STARD9: variants seen among roughly 807,000 people sequenced by gnomAD.
STARD9 encodes the protein stAR-related lipid transfer protein 9.
In STARD9, 346 loss-of-function variants were observed where a neutral mutation model predicts 399.8. The observed-to-expected ratio is 0.87, with a 90% CI of 0.79 to 0.95. The LOEUF (loss-of-function observed/expected upper bound fraction) is 0.95, where lower values mean the gene tolerates loss of function less well. STARD9 is among the 40% of genes least tolerant of loss of function. The probability of loss-of-function intolerance (pLI) is 0.00; values close to 1 mark genes in which losing one functional copy is unlikely to be tolerated. For synonymous variants in STARD9, 2,203 were observed against 2,143.5 expected, an observed-to-expected ratio of 1.03 and a Z score of -0.77; for missense variants, 5,832 against 5,667.5, an observed-to-expected ratio of 1.03 and a Z score of -0.93.
At chr15:42,581,893 G>GT (rs2058180082) in intron 1 of STARD9, among the ~76,000 whole-genome samples, 1 of 152,188 alleles carries the variant, frequency 6.6e-6, no homozygotes, top group South Asian at 2.1e-4. Flanking sequence ...GCTTATGCCT[G>GT]TAATCCCAGC....
intron 3 of STARD9, among the ~76,000 whole-genome samples, chr15:42,619,619 A>G (rs947406995): frequency 3.9e-5 from 6 of 152,024 alleles, no homozygotes; most frequent in Non-Finnish European, 8.8e-5. Flanking sequence ...TGTGCAGTTT[A>G]ATAGGGTTCA....
At chr15:42,596,643 T>A (rs2058511457) in intron 3 of STARD9, among the ~76,000 whole-genome samples, 1 of 152,260 alleles carries the variant, frequency 6.6e-6, no homozygotes, top group Admixed American at 6.5e-5. Flanking sequence ...GTCCTCTGTT[T>A]GGGGGAGCCA....
intron 2 of STARD9, among the ~76,000 whole-genome samples, chr15:42,584,364 T>G (rs2058231436): frequency 6.6e-6 from 1 of 152,222 alleles, no homozygotes; most frequent in Admixed American, 6.5e-5. Context: ...CTGCTGTCTC[T>G]TATTTATATT....
chr15:42,583,534 A>G (rs1281502964), intron 2 of STARD9, 119 bp downstream of exon 2: 9 of 671,104 alleles, frequency 1.3e-5, no homozygotes, highest in Non-Finnish European at 2.0e-5. Flanking sequence ...GGGGTATATA[A>G]GAGGAATAGG....
chr15:42,686,567 C>A lies in STARD9; in HGVS notation c.4989C>A (p.Thr1663=). The A allele has an allele frequency of 1.3e-6, 2 of 1,537,422 alleles. No individual in the cohort carries two copies. Among genetic ancestry groups the A allele is most frequent in the Non-Finnish European group, 1.7e-6 (2 of 1,146,986 alleles). Residue 1663 remains threonine, a synonymous_variant, in exon 23 of 33, where the codon ACC becomes ACA. Coordinates refer to ENST00000290607, the MANE Select transcript of STARD9 (RefSeq NM_020759.3). ...GTCACAGTAATGTCACTACAGCCACCAAAGCAGACCATTGGTCCCAAGGCT... is the reference window on the plus strand; with the variant it reads ...GTCACAGTAATGTCACTACAGCCACAAAAGCAGACCATTGGTCCCAAGGCT... ...NACHSNVTTA[T]KADHWSQGWA...
intron 3 of STARD9, among the ~76,000 whole-genome samples, chr15:42,598,733 G>A (rs1199582340): frequency 6.6e-6 from 1 of 151,988 alleles, no homozygotes; most frequent in Non-Finnish European, 1.5e-5. Context: ...TTCTCTTCAA[G>A]CTATATTGAA....
chr15:42,575,694 G>A lies in STARD9; in HGVS notation c.-22G>A, dbSNP rs2058037413. ...GATGCTGCCGCTGAGCTGACCCGCT[G>A]GACTTGGGTTGTGGCAGACGGATGG... is the stretch of plus-strand genomic sequence containing the variant. On this transcript the variant is annotated 5_prime_UTR_variant, in exon 1 of 33. Transcript: ENST00000290607. 2 of 1,536,546 alleles carry A rather than the reference G, an allele frequency of 1.3e-6. No homozygotes were observed. The highest frequency in any genetic ancestry group is 1.7e-6 in the Non-Finnish European group (2 of 1,146,768).
intron 3 of STARD9, among the ~76,000 whole-genome samples, chr15:42,610,827 G>T (rs896725663): frequency 2.0e-5 from 3 of 152,144 alleles, no homozygotes; most frequent in African/African-American, 4.8e-5. Flanking sequence ...GATTACAGGC[G>T]TGAGCTACCG....
intron 16 of STARD9, chr15:42,672,145 G>C (rs773160008): frequency 6.6e-6 from 1 of 152,214 alleles, no homozygotes; most frequent in East Asian, 1.9e-4. Context: ...GATTCTGTTT[G>C]TTGTTGTTTG....
At chr15:42,597,998 A>ATGTGTGTGTGTG (rs770352086) in intron 3 of STARD9, among the ~76,000 whole-genome samples, 1,789 of 112,606 alleles carry the variant, frequency 0.016, 55 homozygotes, top group Non-Finnish European at 0.021. Context: ...TTGTATATAT[A>ATGTGTGTGTGTG]TATGTGTGTG....
chr15:42,680,705 C>T (rs1024730930), intron 20 of STARD9, among the ~76,000 whole-genome samples: 1 of 152,214 alleles, frequency 6.6e-6, no homozygotes, highest in Non-Finnish European at 1.5e-5. Context: ...TTTATATCCA[C>T]ACTCACTCTC....
chr15:42,702,957 G>A (rs1223140633), intron 26 of STARD9, among the ~76,000 whole-genome samples: 1 of 151,986 alleles, frequency 6.6e-6, no homozygotes, highest in Non-Finnish European at 1.5e-5. Context: ...AAAAATTACA[G>A]TTTAATTTAA....
chr15:42,717,540 G>A (rs572409548), intron 28 of STARD9, among the ~76,000 whole-genome samples, 191 bp from the exon 29 acceptor site: 17 of 151,990 alleles, frequency 1.1e-4, no homozygotes, highest in Non-Finnish European at 2.2e-4. Context: ...TGGGAGGATC[G>A]CTTAAGCCCA....
chr15:42,587,356 C>T (rs957678165), intron 3 of STARD9, among the ~76,000 whole-genome samples: 22 of 152,000 alleles, frequency 1.4e-4, no homozygotes, highest in Admixed American at 1.0e-3. Context: ...GAAATAAGAC[C>T]GTAGACCACT....
chr15:42,684,004 TG>T, intron 22 of STARD9, 111 bp from the exon 23 acceptor site: 1 of 1,199,336 alleles, frequency 8.3e-7, no homozygotes, highest in Non-Finnish European at 1.1e-6. Context: ...AGCTTTTCTC[TG>T]GGTCTGAAGT....
At chr15:42,613,146 T>C (rs2058888600) in intron 3 of STARD9, among the ~76,000 whole-genome samples, 1 of 152,162 alleles carries the variant, frequency 6.6e-6, no homozygotes, top group Admixed American at 6.6e-5. Flanking sequence ...ATATCTGTCA[T>C]CTGTATAATG....
intron 25 of STARD9, 34 bp from the exon 26 acceptor site, chr15:42,695,709 C>T: frequency 2.0e-6 from 3 of 1,527,158 alleles, no homozygotes; most frequent in Non-Finnish European, 2.6e-6. Flanking sequence ...GAGGGTGCAT[C>T]AGAAGCTGGT....
At position 42,684,993 on chromosome 15, in the gene STARD9, T is replaced by C. The variant is rs1566934429; in HGVS notation, c.3415T>C (p.Ser1139Pro). ...RKWDFPEPEN[S>P]ESDDSQLSED... ...ATGGGATTTCCCAGAGCCAGAGAAC[T>C]CTGAAAGTGATGACAGCCAACTATC... Residue 1139 changes from serine (S) to proline (P), a missense_variant, in exon 23 of 33, where the codon TCT (serine) becomes CCT (proline). By Grantham distance (74) the Ser-to-Pro change is moderately conservative (BLOSUM62 -1). This residue lies in a region of STARD9 where 5,828 missense variants were observed against 5,651.1 expected (regional missense o/e 1.03). Coordinates refer to ENST00000290607, the MANE Select transcript of STARD9 (RefSeq NM_020759.3). The C allele has an allele frequency of 6.5e-7, 1 of 1,536,964 alleles. No individual in the cohort carries two copies.
At position 42,686,980 on chromosome 15, in the gene STARD9, T is replaced by TTATTTGAAGAATAATTTGCCA. The variant is rs2060575335; in HGVS notation, c.5402_5403insTATTTGAAGAATAATTTGCCA (p.Leu1801_Leu1802insIleTer). The stretch of plus-strand genomic sequence containing the variant: ...TATTTGAAGAATAATTTGCCAGTGC[T>TTATTTGAAGAATAATTTGCCA]GTTACAAAACCAGAATTCTAAGATT... On this transcript the variant is annotated stop_gained and inframe_insertion, in exon 23 of 33. Transcript: ENST00000290607. LOFTEE classifies it high-confidence loss of function. The TTATTTGAAGAATAATTTGCCA allele has an allele frequency of 1.3e-6, 2 of 1,536,746 alleles. No individual in the cohort carries two copies. The highest frequency in any genetic ancestry group is 8.7e-7 in the Non-Finnish European group (1 of 1,146,744).
Sources: gnomAD v4.1 joint callset for allele counts (sites outside exome capture counted in the v4.1 genomes callset) on GRCh38, gnomAD v4.1.1 for gene constraint, gnomAD v4.1.1 regional missense constraint, MANE v1.5 for transcripts, NCBI Gene and HGNC (gene_info 2026-07-23, HGNC 2026-07-21) for gene names.